The following PARD3B variants were observed in gnomAD, a reference collection of about 807,000 sequenced individuals.
PARD3B encodes par-3 family cell polarity regulator beta.
In PARD3B, 103 loss-of-function variants were observed where a neutral mutation model predicts 130.2. That is an observed-to-expected ratio of 0.79 (90% CI 0.67 to 0.93). The LOEUF (loss-of-function observed/expected upper bound fraction) is 0.93, where lower values mean the gene tolerates loss of function less well. Ranked by LOEUF, PARD3B falls within the 40% of genes least tolerant of loss-of-function variation. The probability of loss-of-function intolerance (pLI) is 0.00; values close to 1 mark genes in which losing one functional copy is unlikely to be tolerated. For missense variants in PARD3B, 1,609 were observed against 1,499.2 expected, an observed-to-expected ratio of 1.07 and a Z score of -1.21; for synonymous variants, 583 against 553.2, an observed-to-expected ratio of 1.05 and a Z score of -0.76.
intron 1 of PARD3B, among the ~76,000 whole-genome samples, chr2:204,631,342 CG>C (rs944097866): frequency 1.3e-5 from 2 of 151,704 alleles, no homozygotes; most frequent in Admixed American, 1.3e-4. Context: ...CTCTGCCTCT[CG>C]GGTTCAAGCA....
At chr2:204,932,975 C>T (rs1465655146) in intron 2 of PARD3B, among the ~76,000 whole-genome samples, 2 of 152,114 alleles carry the variant, frequency 1.3e-5, no homozygotes, top group African/African-American at 4.8e-5. Flanking sequence ...TATTCAATTA[C>T]CCAAAGTCTT....
Position 205,158,855 on chromosome 2 carries a change from C to T in PARD3B, c.1568C>T (p.Thr523Ile). ...LKGNKSRETG[T>I]DLGIFIKSII... ...GGGAACAAATCCAGAGAAACTGGAA[C>T]AGACTTGGGGATTTTTATCAAATCC... Residue 523 changes from threonine to isoleucine, a missense_variant, in exon 11 of 23, where the codon ACA (threonine) becomes ATA (isoleucine). Physicochemically the swap from Thr to Ile is moderately conservative, Grantham distance 89. Transcript: ENST00000406610. This position sits in a 1 kb window ranked among gnomAD's most constrained non-coding sequence, Gnocchi z 5.4. 1 of 1,614,090 alleles carries T rather than the reference C, an allele frequency of 6.2e-7. No individual in the cohort carries two copies.
intron 21 of PARD3B, among the ~76,000 whole-genome samples, chr2:205,527,138 T>G (rs1205451495): frequency 1.3e-5 from 2 of 152,204 alleles, no homozygotes; most frequent in Non-Finnish European, 2.9e-5. Flanking sequence ...ATAGCATTCA[T>G]TTCTTATTGT....
chr2:205,409,402 G>A (rs996896915), intron 19 of PARD3B, among the ~76,000 whole-genome samples: 7 of 152,088 alleles, frequency 4.6e-5, no homozygotes, highest in East Asian at 1.9e-4. Context: ...GACACAGCCC[G>A]GGGTGAAGGT....
At position 205,241,789 on chromosome 2, in the gene PARD3B, T is replaced by G. The variant is rs2039365835; in HGVS notation, c.2141-3989T>G. Among the ~76,000 whole-genome samples, 1 of 152,162 alleles carries G rather than the reference T, an allele frequency of 6.6e-6. No homozygotes were observed. The highest frequency in any genetic ancestry group is 2.1e-4 in the South Asian group (1 of 4,832). On this transcript the variant is annotated intron_variant, in intron 15 of 22. Coordinates refer to ENST00000406610, the MANE Select transcript of PARD3B (RefSeq NM_001302769.2). This position sits in a 1 kb window ranked among gnomAD's most constrained non-coding sequence, Gnocchi z 4.2. ...AGTCCTTTGTTTAAAATGACACACC[T>G]GTCACATTTCATATCACTACCATTC...
chr2:205,455,066 G>A (rs2048225855), intron 20 of PARD3B, among the ~76,000 whole-genome samples: 2 of 152,090 alleles, frequency 1.3e-5, no homozygotes, highest in Admixed American at 1.3e-4. Context: ...AGGAAAATCT[G>A]TATAGAAGAG....
rs555667075 is a variant in PARD3B at position 204,750,320 on chromosome 2, C to A, written c.222+64038C>A. Among the ~76,000 whole-genome samples the A allele has an allele frequency of 2.0e-5, 3 of 152,242 alleles. No homozygotes were observed. In the South Asian group the frequency reaches 6.2e-4, roughly 32 times the overall value. On this transcript the variant is annotated intron_variant, in intron 2 of 22. Transcript: ENST00000406610. ...AGTGTTGGCCTGGTGCTGTGACTCA[C>A]GCCTGTAATCCCAGCACTTTGGGAG...
At chr2:204,644,182 G>A (rs2035190927) in intron 1 of PARD3B, among the ~76,000 whole-genome samples, 1 of 151,874 alleles carries the variant, frequency 6.6e-6, no homozygotes. Flanking sequence ...ACCCAGCCAT[G>A]TTACACCTCC....
chr2:204,698,523 C>T (rs1030117484), intron 2 of PARD3B, among the ~76,000 whole-genome samples: 1 of 151,000 alleles, frequency 6.6e-6, no homozygotes, highest in Non-Finnish European at 1.5e-5. Flanking sequence ...ATTTTAAAGT[C>T]TTTGTTATCC....
At chr2:205,024,774 T>G (rs1046622186) in intron 3 of PARD3B, among the ~76,000 whole-genome samples, 4 of 152,188 alleles carry the variant, frequency 2.6e-5, no homozygotes, top group Non-Finnish European at 4.4e-5. Context: ...AAGAAATAAG[T>G]TGTATATTTC....
intron 20 of PARD3B, among the ~76,000 whole-genome samples, chr2:205,478,968 T>C (rs2049124903): frequency 6.6e-6 from 1 of 152,164 alleles, no homozygotes; most frequent in Admixed American, 6.5e-5. Flanking sequence ...TGAGATGTTA[T>C]AGCAATTGCC....
chr2:204,546,839 A>C (rs1244471529), intron 1 of PARD3B, among the ~76,000 whole-genome samples: 1 of 152,208 alleles, frequency 6.6e-6, no homozygotes, highest in African/African-American at 2.4e-5. Context: ...AACAAGTATA[A>C]ATTAAGTGAC....
At chr2:204,751,105 A>G (rs571190193) in intron 2 of PARD3B, among the ~76,000 whole-genome samples, 1 of 152,306 alleles carries the variant, frequency 6.6e-6, no homozygotes, top group South Asian at 2.1e-4. Context: ...GAGGTAGAAG[A>G]GCGTCATAAT....
intron 2 of PARD3B, among the ~76,000 whole-genome samples, chr2:204,832,452 C>A (rs943084769): frequency 6.6e-6 from 1 of 152,128 alleles, no homozygotes; most frequent in African/African-American, 2.4e-5. Flanking sequence ...TATACCTTCT[C>A]GGTCTGTAGC....
At chr2:205,130,956 T>G (rs937267369) in intron 10 of PARD3B, among the ~76,000 whole-genome samples, 1 of 152,212 alleles carries the variant, frequency 6.6e-6, no homozygotes, top group Non-Finnish European at 1.5e-5. Flanking sequence ...CATGGTTACC[T>G]GTCCCTGTGA....
rs983551340 is a variant in PARD3B, at chr2:205,230,407, G to C, written c.2141-15371G>C. 6.6e-6 allele frequency among the ~76,000 whole-genome samples: 1 copy of C among 152,200 alleles called. No homozygotes were observed. The highest frequency in any genetic ancestry group is 1.5e-5 in the Non-Finnish European group (1 of 68,042). The stretch of plus-strand genomic sequence containing the variant: ...AAGCTGCGAGTTTCCTTCTGGCAGA[G>C]TGTGTGTCTGGAAATGTCATCCAGG... On this transcript the variant is annotated intron_variant, in intron 15 of 22. Transcript: ENST00000406610. This position sits in a 1 kb window ranked among gnomAD's most constrained non-coding sequence, Gnocchi z 4.1.
chr2:205,119,207 C>T (rs757227672), intron 7 of PARD3B, among the ~76,000 whole-genome samples, 161 bp downstream of exon 7: 1 of 152,160 alleles, frequency 6.6e-6, no homozygotes, highest in Non-Finnish European at 1.5e-5. Context: ...TTTTAGCCTA[C>T]TCAAAGGTGG....
intron 1 of PARD3B, among the ~76,000 whole-genome samples, chr2:204,590,379 G>C (rs2033024145): frequency 6.6e-6 from 1 of 152,214 alleles, no homozygotes; most frequent in Non-Finnish European, 1.5e-5. Flanking sequence ...CAGATGCGCA[G>C]TTTGTAACAG....
At chr2:205,399,058 C>G (rs2046142862) in intron 18 of PARD3B, among the ~76,000 whole-genome samples, 2 of 152,042 alleles carry the variant, frequency 1.3e-5, no homozygotes, top group African/African-American at 2.4e-5. Context: ...CAGCTGAGTT[C>G]AGGAGTTCAA....
Sources: gnomAD v4.1 joint callset for allele counts (sites outside exome capture counted in the v4.1 genomes callset) on GRCh38, gnomAD v4.1.1 for gene constraint, Gnocchi (gnomAD v3.1) non-coding constraint, MANE v1.5 for transcripts, NCBI Gene and HGNC (gene_info 2026-07-23, HGNC 2026-07-21) for gene names.